The following BCL2 variants were observed in gnomAD, a reference collection of about 807,000 sequenced individuals.
BCL2 encodes the protein BCL2 apoptosis regulator, also known as apoptosis regulator Bcl-2.
A neutral mutation model predicts 14.2 loss-of-function variants in BCL2; 1 was observed. The ratio of observed to expected loss-of-function variants is 0.07; its 90% CI spans 0.02 to 0.33. BCL2 has a LOEUF of 0.33. BCL2 is among the 10% of genes least tolerant of loss of function. The pLI, the probability that BCL2 is intolerant of heterozygous loss-of-function variation, is 0.99. For synonymous variants in BCL2, 151 were observed against 137.2 expected (o/e 1.10, Z -0.70); for missense variants, 247 against 305.9 (o/e 0.81, Z 1.44).
At chr18:63,191,279 C>G (rs1599234570) in intron 2 of BCL2, among the ~76,000 whole-genome samples, 1 of 152,346 alleles carries the variant, frequency 6.6e-6, no homozygotes, top group East Asian at 1.9e-4. Context: ...AATCGCTATA[C>G]TATCTTCCAC....
At chr18:63,223,995 GA>G (rs201289129) in intron 2 of BCL2, among the ~76,000 whole-genome samples, 1 of 149,446 alleles carries the variant, frequency 6.7e-6, no homozygotes, top group African/African-American at 2.5e-5. Flanking sequence ...TTTCTGAAAA[GA>G]AAAAAAAATG....
chr18:63,127,026 C>T lies in BCL2; in HGVS notation c.*1599G>A, dbSNP rs4987851. ...CTTTTGTTACTTCTTTATAGTTCCC[C>T]ACCATTGATTTTTTTTTTAATGCCC... On this transcript the variant is annotated 3_prime_UTR_variant, in exon 3 of 3. Coordinates refer to ENST00000333681, the MANE Select transcript of BCL2 (RefSeq NM_000633.3). 0.011 allele frequency: 2,410 copies of T among 222,942 alleles called. 40 individuals are homozygous for T. Among genetic ancestry groups the T allele is most frequent in the South Asian group, 0.072 (387 of 5,408 alleles). 13.8% of individuals were successfully genotyped at this position (222,942 alleles called of 1,614,324 possible). A position where few individuals can be genotyped will look rare whatever the true frequency, so the allele number is the denominator to read the frequency against.
chr18:63,152,248 T>C (rs1004110870), intron 2 of BCL2, among the ~76,000 whole-genome samples: 1 of 152,212 alleles, frequency 6.6e-6, no homozygotes, highest in Non-Finnish European at 1.5e-5. Flanking sequence ...TTTAGAAACA[T>C]GCATTTGACA....
upstream of BCL2, chr18:63,319,947 G>C (rs1333514026): frequency 6.2e-6 from 1 of 160,962 alleles, no homozygotes; most frequent in Non-Finnish European, 1.4e-5. Context: ...CGCTGGCTAC[G>C]GCCGCCTCCC....
At chr18:63,167,303 C>T (rs1055981068) in intron 2 of BCL2, among the ~76,000 whole-genome samples, 1 of 152,114 alleles carries the variant, frequency 6.6e-6, no homozygotes, top group African/African-American at 2.4e-5. Context: ...TTCTCTTTCT[C>T]TCCATCCAAC....
intron 2 of BCL2, chr18:63,302,245 G>A (rs558744078): frequency 6.7e-6 from 5 of 741,314 alleles, no homozygotes; most frequent in Non-Finnish European, 8.2e-6. Flanking sequence ...AGGTTGCAGT[G>A]AGCCGGGACT....
chr18:63,152,955 G>C (rs1016323427), intron 2 of BCL2, among the ~76,000 whole-genome samples: 1 of 152,176 alleles, frequency 6.6e-6, no homozygotes, highest in Non-Finnish European at 1.5e-5. Context: ...AATATCCACT[G>C]CCTGCCCACT....
At chr18:63,300,464 CTCTG>C (rs1163615149) in intron 2 of BCL2, among the ~76,000 whole-genome samples, 10 of 142,110 alleles carry the variant, frequency 7.0e-5, no homozygotes, top group Admixed American at 3.6e-4. Context: ...CTCTCTCTCT[CTCTG>C]TGTGTGTGTG....
At chr18:63,159,969 C>G (rs1364629798) in intron 2 of BCL2, among the ~76,000 whole-genome samples, 2 of 152,164 alleles carry the variant, frequency 1.3e-5, no homozygotes, top group African/African-American at 4.8e-5. Context: ...ACTTTATTAT[C>G]TTAAGAGTTT....
intron 2 of BCL2, among the ~76,000 whole-genome samples, chr18:63,287,762 T>A (rs1489499503): frequency 6.6e-6 from 1 of 152,106 alleles, no homozygotes; most frequent in African/African-American, 2.4e-5. Flanking sequence ...AAAAAAATAA[T>A]AAAATAATTT....
chr18:63,171,235 G>A (rs1050636540), intron 2 of BCL2, among the ~76,000 whole-genome samples: 1 of 152,068 alleles, frequency 6.6e-6, no homozygotes, highest in African/African-American at 2.4e-5. Context: ...CAGGTTAATG[G>A]ATTTAAGAAA....
chr18:63,172,645 G>A (rs1348769271), intron 2 of BCL2, among the ~76,000 whole-genome samples: 1 of 152,160 alleles, frequency 6.6e-6, no homozygotes, highest in Non-Finnish European at 1.5e-5. Context: ...GCCAGGTGTG[G>A]TGGCGGGCGC....
At chr18:63,180,594 T>G (rs1407487695) in intron 2 of BCL2, among the ~76,000 whole-genome samples, 3 of 137,682 alleles carry the variant, frequency 2.2e-5, no homozygotes, top group Non-Finnish European at 3.0e-5. Context: ...GCAACGTGAA[T>G]GCTTCGCTGC....
At chr18:63,145,476 C>A (rs758412961) in intron 2 of BCL2, among the ~76,000 whole-genome samples, 2 of 152,358 alleles carry the variant, frequency 1.3e-5, no homozygotes, top group South Asian at 2.1e-4. Context: ...CCTGGAGGCA[C>A]CCCTCGTGAC....
At chr18:63,165,614 A>T (rs930965170) in intron 2 of BCL2, among the ~76,000 whole-genome samples, 9 of 152,246 alleles carry the variant, frequency 5.9e-5, no homozygotes, top group Non-Finnish European at 1.0e-4. Context: ...ACACAACCGG[A>T]AAAGGAGCCG....
In BCL2 at chr18:63,234,917, T is replaced by C. The variant is rs142014116; in HGVS notation, c.585+83165A>G. ...ATAAAATTACAAAACCAAGAGAAGA[T>C]ATTTGCTGTGCATATAATGGACAAG... On this transcript the variant is annotated intron_variant, in intron 2 of 2. Transcript: ENST00000333681. Among the ~76,000 whole-genome samples the C allele has an allele frequency of 3.1e-4, 47 of 152,280 alleles. No homozygotes were observed. The East Asian group carries it at 7.5e-3, about 24-fold the overall frequency.
At chr18:63,279,641 A>T (rs1912252955) in intron 2 of BCL2, among the ~76,000 whole-genome samples, 1 of 152,268 alleles carries the variant, frequency 6.6e-6, no homozygotes, top group Non-Finnish European at 1.5e-5. Flanking sequence ...AAGAACAGGT[A>T]CAATAATGTT....
At chr18:63,310,946 A>G (rs1438776269) in intron 2 of BCL2, among the ~76,000 whole-genome samples, 1 of 151,982 alleles carries the variant, frequency 6.6e-6, no homozygotes, top group African/African-American at 2.4e-5. Context: ...GCTGGCAGGA[A>G]TCCATAAAGG....
At chr18:63,171,848 G>T (rs1338054009) in intron 2 of BCL2, among the ~76,000 whole-genome samples, 4 of 152,108 alleles carry the variant, frequency 2.6e-5, no homozygotes, top group Non-Finnish European at 5.9e-5. Flanking sequence ...GGGAGTGGTG[G>T]CACAGGCCTG....
Sources: allele counts gnomAD v4.1 joint callset (sites outside exome capture counted in the v4.1 genomes callset), GRCh38; gene constraint gnomAD v4.1.1; transcripts MANE v1.5; gene names NCBI Gene and HGNC (gene_info 2026-07-23, HGNC 2026-07-21).